RGPD2: variants seen among roughly 807,000 people sequenced by gnomAD.
RGPD2 encodes RANBP2 like and GRIP domain containing 2, also known as RANBP2-like and GRIP domain-containing protein 2.
Under a neutral mutation model 36.0 loss-of-function variants are expected in RGPD2, and 2 were observed. That is an observed-to-expected ratio of 0.06 (90% CI 0.02 to 0.17). The LOEUF is 0.17. Among genes scored for constraint, RGPD2 ranks in the 10% least tolerant of loss-of-function variants. The pLI is 1.00. For synonymous variants in RGPD2, 19 were observed against 163.8 expected (o/e 0.12, Z 6.75); for missense variants, 40 against 464.3 (o/e 0.09, Z 8.40).
the RGPD2 span, among the ~76,000 whole-genome samples, chr2:87,937,711 G>A: frequency 1.3e-5 from 2 of 151,966 alleles, no homozygotes; most frequent in Non-Finnish European, 2.9e-5. Flanking sequence ...GGGATTTGGA[G>A]GGGACAAACG....
At chr2:87,857,374 G>A in the RGPD2 span, among the ~76,000 whole-genome samples, 8 of 151,088 alleles carry the variant, frequency 5.3e-5, no homozygotes, top group East Asian at 2.0e-4. Context: ...ACGGAGTCTC[G>A]CTCTGTTGCC....
the RGPD2 span, among the ~76,000 whole-genome samples, chr2:87,884,267 C>T: frequency 6.6e-6 from 1 of 151,780 alleles, no homozygotes; most frequent in Non-Finnish European, 1.5e-5. Flanking sequence ...GAAAACAGAA[C>T]ATACCAAGGC....
intron 1 of RGPD2, among the ~76,000 whole-genome samples, chr2:87,824,680 ACT>A (rs541298449): frequency 1.4e-5 from 2 of 139,720 alleles, no homozygotes; most frequent in South Asian, 2.3e-4. Flanking sequence ...AAAAAAAAAG[ACT>A]CTAAGTGTAA....
chr2:87,883,749 G>A, the RGPD2 span, among the ~76,000 whole-genome samples: 3 of 152,082 alleles, frequency 2.0e-5, no homozygotes, highest in Non-Finnish European at 4.4e-5. Flanking sequence ...AGTTCATAAG[G>A]AGGAACTAAC....
the RGPD2 span, chr2:87,985,720 T>C: frequency 1.3e-6 from 2 of 1,573,244 alleles, no homozygotes; most frequent in South Asian, 2.2e-5. Flanking sequence ...CAATTGTATT[T>C]ACTTACATTT....
chr2:87,834,503 A>T, the RGPD2 span, among the ~76,000 whole-genome samples: 1 of 152,142 alleles, frequency 6.6e-6, no homozygotes, highest in Admixed American at 6.6e-5. Flanking sequence ...TTTTGCACAT[A>T]TTCAGGATAC....
chr2:87,958,161 C>T, the RGPD2 span, among the ~76,000 whole-genome samples: 1 of 152,016 alleles, frequency 6.6e-6, no homozygotes, highest in Non-Finnish European at 1.5e-5. Flanking sequence ...AAACTCTAAA[C>T]AGACTCTATT....
chr2:87,913,302 CA>C, the RGPD2 span, among the ~76,000 whole-genome samples: 1 of 151,288 alleles, frequency 6.6e-6, no homozygotes, highest in Non-Finnish European at 1.5e-5. Context: ...GACAAAAAAC[CA>C]AACACCGCAT....
chr2:87,933,609 TTTAG>T, the RGPD2 span, among the ~76,000 whole-genome samples: 1 of 149,520 alleles, frequency 6.7e-6, no homozygotes, highest in Middle Eastern at 3.2e-3. Context: ...GAGATATTTA[TTTAG>T]TTATTTATTT....
intron 22 of RGPD2, among the ~76,000 whole-genome samples, chr2:87,760,775 G>A (rs1367142165): frequency 2.3e-5 from 1 of 43,134 alleles, no homozygotes; most frequent in African/African-American, 9.0e-5. Context: ...CTGCCACCAC[G>A]CCCCGCTAAT....
the RGPD2 span, among the ~76,000 whole-genome samples, chr2:87,921,700 C>T: frequency 6.6e-6 from 1 of 152,116 alleles, no homozygotes; most frequent in African/African-American, 2.4e-5. Flanking sequence ...GGCCATTTGT[C>T]AGAGACAACC....
the RGPD2 span, among the ~76,000 whole-genome samples, chr2:87,883,261 T>C: frequency 6.6e-6 from 1 of 151,558 alleles, no homozygotes; most frequent in Non-Finnish European, 1.5e-5. Flanking sequence ...GTTACAAGTA[T>C]AAAATGTTTC....
the RGPD2 span, among the ~76,000 whole-genome samples, chr2:87,927,726 A>G: frequency 4.6e-5 from 7 of 151,620 alleles, no homozygotes; most frequent in Non-Finnish European, 1.0e-4. Flanking sequence ...AAAAAAATGG[A>G]AACCTACTTA....
At chr2:87,909,717 TG>T in the RGPD2 span, among the ~76,000 whole-genome samples, 1 of 127,344 alleles carries the variant, frequency 7.9e-6, no homozygotes, top group Non-Finnish European at 1.7e-5. Flanking sequence ...TTTAATGCAT[TG>T]CCTATATAGA....
the RGPD2 span, among the ~76,000 whole-genome samples, chr2:87,878,084 TG>T: frequency 1.3e-5 from 2 of 152,196 alleles, no homozygotes; most frequent in Non-Finnish European, 2.9e-5. Context: ...CTTGCTAGGT[TG>T]GGGAAGTTCT....
chr2:87,982,248 ATTAC>A, the RGPD2 span, among the ~76,000 whole-genome samples: 3 of 37,404 alleles, frequency 8.0e-5, 1 homozygote, highest in Admixed American at 6.4e-4. Context: ...TGTATCAAAT[ATTAC>A]TTATTTGTTT....
the RGPD2 span, among the ~76,000 whole-genome samples, chr2:87,859,419 A>G: frequency 6.9e-6 from 1 of 144,620 alleles, no homozygotes; most frequent in Admixed American, 7.0e-5. Context: ...ACACAGATAC[A>G]ATTTTTCATT....
chr2:87,919,214 A>T, the RGPD2 span, among the ~76,000 whole-genome samples: 2 of 152,042 alleles, frequency 1.3e-5, no homozygotes, highest in Non-Finnish European at 2.9e-5. Context: ...GAAATCTAGG[A>T]TCCATCTCTT....
At chr2:87,961,609 C>T in the RGPD2 span, among the ~76,000 whole-genome samples, 28 of 145,984 alleles carry the variant, frequency 1.9e-4, no homozygotes, top group East Asian at 4.3e-3. Flanking sequence ...GGCTGAGGCA[C>T]GAGAATCGCT....
Sources: allele counts gnomAD v4.1 joint callset (sites outside exome capture counted in the v4.1 genomes callset), GRCh38; gene constraint gnomAD v4.1.1; transcripts MANE v1.5; gene names NCBI Gene and HGNC (gene_info 2026-07-23, HGNC 2026-07-21).